SGCD: variants seen among roughly 807,000 people sequenced by gnomAD.
SGCD encodes delta-sarcoglycan.
Under a neutral mutation model 36.6 loss-of-function variants are expected in SGCD, and 18 were observed. The observed-to-expected ratio is 0.49, with a 90% CI of 0.34 to 0.73. The LOEUF (loss-of-function observed/expected upper bound fraction) is 0.73, where lower values mean the gene tolerates loss of function less well. Among genes scored for constraint, SGCD ranks in the 30% least tolerant of loss-of-function variants. The probability of loss-of-function intolerance (pLI) is 0.01; values close to 1 mark genes in which losing one functional copy is unlikely to be tolerated. For missense variants in SGCD, 387 were observed against 346.7 expected, an observed-to-expected ratio of 1.12 and a Z score of -0.92; for synonymous variants, 133 against 130.6, an observed-to-expected ratio of 1.02 and a Z score of -0.12.
At position 156,071,804 on chromosome 5, in the gene SGCD, T is replaced by A. The variant is rs181351886; in HGVS notation, c.-281-46074T>A. ...GGTCACTCAGGACTTGCTTCATGAATCTGGGTGCTCCTGTATTGGGTGCAT... is the reference window on the plus strand; with the variant it reads ...GGTCACTCAGGACTTGCTTCATGAAACTGGGTGCTCCTGTATTGGGTGCAT... On this transcript the variant is annotated intron_variant, in intron 1 of 9. Coordinates refer to the SGCD transcript ENST00000517913. Among the ~76,000 whole-genome samples, 394 of 152,318 alleles carry A rather than the reference T, an allele frequency of 2.6e-3. 2 individuals carry two copies. Among genetic ancestry groups the A allele is most frequent in the Non-Finnish European group, 3.7e-3 (249 of 68,030 alleles).
intron 2 of SGCD, among the ~76,000 whole-genome samples, chr5:156,330,547 G>A (rs150611805): frequency 6.3e-4 from 96 of 152,198 alleles, no homozygotes; most frequent in African/African-American, 2.2e-3. Flanking sequence ...CTCCCTTAAG[G>A]CTGGGTGTCT....
rs1215069654 is a variant in SGCD, at chr5:156,212,184, A to G, written c.-44+88165A>G. ...CTATCGATGACTACCTTGATTGCAA[A>G]TTGATTAAATCTTACAATCAAAAGT... On this transcript the variant is annotated intron_variant, in intron 3 of 9. Coordinates refer to the SGCD transcript ENST00000517913. Among the ~76,000 whole-genome samples, 5 of 152,224 alleles carry G rather than the reference A, an allele frequency of 3.3e-5. 1 individual carries two copies. Among genetic ancestry groups the G allele is most frequent in the Non-Finnish European group, 7.3e-5 (5 of 68,030 alleles).
intron 3 of SGCD, among the ~76,000 whole-genome samples, chr5:156,144,228 T>C (rs1762652942): frequency 6.6e-6 from 1 of 152,092 alleles, no homozygotes; most frequent in South Asian, 2.1e-4. Flanking sequence ...AGCAGCATGA[T>C]TTATAATCCT....
chr5:156,687,892 C>T (rs555572448), intron 7 of SGCD, among the ~76,000 whole-genome samples: 62 of 152,242 alleles, frequency 4.1e-4, no homozygotes, highest in Middle Eastern at 3.4e-3. Flanking sequence ...TATGCACTAC[C>T]GTAGCATTAG....
intron 4 of SGCD, among the ~76,000 whole-genome samples, chr5:156,551,413 A>G (rs541359113): frequency 5.3e-5 from 8 of 152,224 alleles, no homozygotes; most frequent in South Asian, 2.1e-4. Flanking sequence ...ATCTTCTCCT[A>G]TGATCATCCA....
At chr5:156,126,459 C>T (rs184093151) in intron 3 of SGCD, among the ~76,000 whole-genome samples, 120 of 152,142 alleles carry the variant, frequency 7.9e-4, no homozygotes, top group Non-Finnish European at 1.3e-3. Context: ...AAATAAAGCT[C>T]CCTCTGATTG....
intron 3 of SGCD, among the ~76,000 whole-genome samples, chr5:156,310,419 G>C (rs1767360937): frequency 6.6e-6 from 1 of 152,062 alleles, no homozygotes; most frequent in Non-Finnish European, 1.5e-5. Flanking sequence ...CTTTTTGCCG[G>C]TCCTGGCTCC....
the SGCD span, among the ~76,000 whole-genome samples, chr5:155,773,079 G>A: frequency 6.6e-6 from 1 of 152,034 alleles, no homozygotes; most frequent in South Asian, 2.1e-4. Context: ...CCTGCCCACA[G>A]GGTGCCAGTA....
chr5:156,144,231 A>G (rs1372187875), intron 3 of SGCD, among the ~76,000 whole-genome samples: 3 of 152,112 alleles, frequency 2.0e-5, no homozygotes, highest in African/African-American at 7.2e-5. Context: ...AGCATGATTT[A>G]TAATCCTTTG....
chr5:156,071,951 A>C (rs1443663566), intron 1 of SGCD, among the ~76,000 whole-genome samples: 1 of 151,810 alleles, frequency 6.6e-6, no homozygotes, highest in African/African-American at 2.4e-5. Context: ...TAGGATTGCA[A>C]CCCCTGCCTT....
intron 3 of SGCD, among the ~76,000 whole-genome samples, chr5:156,305,909 C>A (rs1172437714): frequency 6.6e-6 from 1 of 152,174 alleles, no homozygotes. Flanking sequence ...TTGAATGGGG[C>A]CTGTAGCCCC....
At chr5:156,296,792 C>T (rs1766903619) in intron 3 of SGCD, among the ~76,000 whole-genome samples, 1 of 152,036 alleles carries the variant, frequency 6.6e-6, no homozygotes, top group Admixed American at 6.6e-5. Flanking sequence ...CTGTGATGTT[C>T]AAGTCCTGTA....
At chr5:156,414,119 T>G (rs1448876053) in intron 3 of SGCD, among the ~76,000 whole-genome samples, 3 of 152,240 alleles carry the variant, frequency 2.0e-5, no homozygotes, top group African/African-American at 4.8e-5. Context: ...ACTTCCAGGA[T>G]TTCTGGGAAG....
At chr5:156,522,692 C>T (rs1490289012) in intron 4 of SGCD, among the ~76,000 whole-genome samples, 1 of 151,640 alleles carries the variant, frequency 6.6e-6, no homozygotes, top group Non-Finnish European at 1.5e-5. Context: ...CACACATTTA[C>T]CTACTTAACA....
At chr5:155,868,524 G>C (rs918021406), upstream of SGCD, among the ~76,000 whole-genome samples, 5 of 151,904 alleles carry the variant, frequency 3.3e-5, no homozygotes, top group African/African-American at 1.2e-4. Flanking sequence ...CATTTTAGTA[G>C]GGCCAAATAA....
chr5:155,923,418 A>T (rs1390906144), intron 1 of SGCD, among the ~76,000 whole-genome samples: 1 of 151,504 alleles, frequency 6.6e-6, no homozygotes, highest in Admixed American at 6.6e-5. Flanking sequence ...GATTAAGATA[A>T]AAAGTTGTCA....
chr5:156,106,136 AAAAG>A (rs1581102319), intron 1 of SGCD, among the ~76,000 whole-genome samples: 1 of 150,694 alleles, frequency 6.6e-6, no homozygotes. Context: ...AAAAAAAAAA[AAAAG>A]AAAGCAGGAG....
At position 156,558,832 on chromosome 5, in the gene SGCD, A is replaced by C. The variant is rs146310586; in HGVS notation, c.295-30399A>C. Among the ~76,000 whole-genome samples, 482 of 152,266 alleles carry C rather than the reference A, an allele frequency of 3.2e-3. 4 individuals are homozygous for C. The highest frequency in any genetic ancestry group is 0.011 in the African/African-American group (462 of 41,558). ...CATCCAGATCCCCAACGAATGTGAA[A>C]ACACTGTTTCTGTCTGTACTTGCAG... On this transcript the variant is annotated intron_variant, in intron 4 of 8. Transcript: ENST00000337851.
chr5:155,837,246 C>T, the SGCD span, among the ~76,000 whole-genome samples: 4 of 152,164 alleles, frequency 2.6e-5, no homozygotes, highest in Non-Finnish European at 4.4e-5. Flanking sequence ...TAACTTCCGC[C>T]TCCAGGGTTC....
Sources: gnomAD v4.1 joint callset for allele counts (sites outside exome capture counted in the v4.1 genomes callset) on GRCh38, gnomAD v4.1.1 for gene constraint, MANE v1.5 for transcripts, NCBI Gene and HGNC (gene_info 2026-07-23, HGNC 2026-07-21) for gene names.